The following JMJD1C variants were observed in gnomAD, a reference collection of about 807,000 sequenced individuals.
JMJD1C encodes the protein jumonji domain containing 1C.
Under a neutral mutation model 245.3 loss-of-function variants are expected in JMJD1C, and 31 were observed. That is an observed-to-expected ratio of 0.13 (90% CI 0.09 to 0.17). JMJD1C has a LOEUF of 0.17. JMJD1C is among the 10% of genes least tolerant of loss of function. The pLI is 1.00. For synonymous variants in JMJD1C, 1,057 were observed against 1,017.4 expected (o/e 1.04, Z -0.74); for missense variants, 2,691 against 3,000.2 (o/e 0.90, Z 2.41).
Position 63,167,769 on chromosome 10 carries a change from C to G in JMJD1C, c.*276G>C, listed in dbSNP as rs1017766115. On this transcript the variant is annotated 3_prime_UTR_variant, in exon 26 of 26. Transcript: ENST00000399262. ...TATTTTTTACCAAAAATAAATACATCATTTTAAATCTGGCATTTTCACAAA... is the reference window on the plus strand; with the variant it reads ...TATTTTTTACCAAAAATAAATACATGATTTTAAATCTGGCATTTTCACAAA... 2 of 272,312 alleles carry G rather than the reference C, an allele frequency of 7.3e-6. No individual in the cohort carries two copies. Among genetic ancestry groups the G allele is most frequent in the Admixed American group, 4.9e-5 (1 of 20,506 alleles). 16.9% of individuals were successfully genotyped at this position (272,312 alleles called of 1,614,324 possible). A position where few individuals can be genotyped will look rare whatever the true frequency, so the allele number is the denominator to read the frequency against.
intron 2 of JMJD1C, among the ~76,000 whole-genome samples, chr10:63,348,992 T>C (rs931364314): frequency 2.0e-5 from 3 of 146,738 alleles, no homozygotes; most frequent in Admixed American, 7.0e-5. Context: ...TCCTAGCTAC[T>C]TGGGAGGCAG....
chr10:63,450,006 G>C (rs779711199), intron 1 of JMJD1C, among the ~76,000 whole-genome samples: 1 of 152,108 alleles, frequency 6.6e-6, no homozygotes, highest in Non-Finnish European at 1.5e-5. Flanking sequence ...CCAGTAACTT[G>C]GGAGGCTGAG....
intron 1 of JMJD1C, among the ~76,000 whole-genome samples, chr10:63,403,182 C>T (rs918314256): frequency 1.1e-4 from 16 of 152,154 alleles, no homozygotes; most frequent in Admixed American, 9.8e-4. Flanking sequence ...CCAAGGGATG[C>T]CCAAAGCTAG....
intron 13 of JMJD1C, among the ~76,000 whole-genome samples, chr10:63,195,127 G>A (rs532744272): frequency 6.6e-6 from 1 of 152,258 alleles, no homozygotes; most frequent in South Asian, 2.1e-4. Context: ...GGCCAAGGCA[G>A]CGGATCACTT....
At chr10:63,261,296 A>T (rs949795859) in intron 3 of JMJD1C, among the ~76,000 whole-genome samples, 16 of 152,136 alleles carry the variant, frequency 1.1e-4, no homozygotes, top group Admixed American at 7.2e-4. Context: ...AAATCTGACC[A>T]GTGCCGGGCG....
At chr10:63,491,767 C>A (rs1296954526) in intron 1 of JMJD1C, among the ~76,000 whole-genome samples, 1 of 152,202 alleles carries the variant, frequency 6.6e-6, no homozygotes, top group Non-Finnish European at 1.5e-5. Context: ...AGGGAAAAAG[C>A]AGGTTTGGGC....
At position 63,209,131 on chromosome 10, in the gene JMJD1C, A is replaced by C. The variant is rs779543350; in HGVS notation, c.2799T>G (p.His933Gln). ...IPVRPSSAEP[H>Q]RPLKITAHSS... ...AATGGGCTGTAATTTTAAGAGGCCG[A>C]TGAGGCTCTGCACTGGAAGGTCTGA... The change falls in exon 9 of 26, where the codon CAT (histidine) becomes CAG (glutamine). Residue 933 changes from histidine (H) to glutamine (Q), a missense_variant. His to Gln is a conservative substitution (Grantham distance 24, BLOSUM62 0). Around this residue, in one of 9 missense-constraint regions of JMJD1C, gnomAD observed 1,562 missense variants for 1,490.7 expected, o/e 1.05. Coordinates refer to ENST00000399262, the MANE Select transcript of JMJD1C (RefSeq NM_032776.3). 13 of 1,613,902 alleles carry C rather than the reference A, an allele frequency of 8.1e-6. No homozygotes were observed. The Admixed American group carries it at 2.0e-4, about 25-fold the overall frequency.
chr10:63,191,817 T>C (rs1844841224), intron 16 of JMJD1C, among the ~76,000 whole-genome samples: 1 of 151,062 alleles, frequency 6.6e-6, no homozygotes, highest in South Asian at 2.1e-4. Flanking sequence ...AAACCCTGTC[T>C]CTACTAAAAA....
chr10:63,283,928 C>A (rs1857682834), intron 2 of JMJD1C, among the ~76,000 whole-genome samples: 1 of 151,938 alleles, frequency 6.6e-6, no homozygotes, highest in Admixed American at 6.6e-5. Flanking sequence ...CATAGAGAAG[C>A]AATTGTTCAT....
intron 2 of JMJD1C, among the ~76,000 whole-genome samples, chr10:63,355,392 G>C (rs9415692): frequency 1.3e-5 from 2 of 151,990 alleles, no homozygotes; most frequent in Non-Finnish European, 2.9e-5. Flanking sequence ...ATATGTGTGC[G>C]CATGGCTGTG....
At chr10:63,378,360 G>C (rs745837306) in intron 2 of JMJD1C, among the ~76,000 whole-genome samples, 41 of 152,128 alleles carry the variant, frequency 2.7e-4, no homozygotes, top group Admixed American at 2.7e-3. Flanking sequence ...GGAGGGCCGA[G>C]GCGGGTGGAT....
chr10:63,223,559 C>T (rs937957215), intron 3 of JMJD1C, among the ~76,000 whole-genome samples: 2 of 152,078 alleles, frequency 1.3e-5, no homozygotes, highest in East Asian at 1.9e-4. Flanking sequence ...TTGCCAACAC[C>T]GTGCAGACAA....
chr10:63,447,946 A>G (rs1015398763), intron 1 of JMJD1C, among the ~76,000 whole-genome samples: 4 of 151,482 alleles, frequency 2.6e-5, no homozygotes, highest in African/African-American at 9.8e-5. Context: ...CTCCAAAAAT[A>G]AAAATAAAAA....
chr10:63,426,647 G>A (rs1287251750), intron 1 of JMJD1C, among the ~76,000 whole-genome samples: 2 of 151,996 alleles, frequency 1.3e-5, no homozygotes, highest in Non-Finnish European at 2.9e-5. Context: ...CTCCAGCCTG[G>A]GAGACTCCGT....
At chr10:63,395,739 GATAAT>G (rs1233451195) in intron 1 of JMJD1C, among the ~76,000 whole-genome samples, 2 of 152,112 alleles carry the variant, frequency 1.3e-5, no homozygotes, top group Admixed American at 6.5e-5. Flanking sequence ...AACTGTAGCA[GATAAT>G]ATAATGAAAT....
intron 2 of JMJD1C, among the ~76,000 whole-genome samples, chr10:63,313,194 C>T (rs539872961): frequency 4.6e-5 from 7 of 152,292 alleles, no homozygotes; most frequent in African/African-American, 1.7e-4. Flanking sequence ...AGAGAACATA[C>T]GATGTTTGGT....
chr10:63,420,116 A>G (rs1280362476), intron 1 of JMJD1C, among the ~76,000 whole-genome samples: 1 of 151,360 alleles, frequency 6.6e-6, no homozygotes, highest in Non-Finnish European at 1.5e-5. Context: ...AGCCTGGGCA[A>G]CAGAGGAGAC....
intron 1 of JMJD1C, among the ~76,000 whole-genome samples, chr10:63,441,308 A>G (rs1406328474): frequency 6.6e-6 from 1 of 152,164 alleles, no homozygotes; most frequent in Non-Finnish European, 1.5e-5. Context: ...TGGACTCTGG[A>G]GTCATAGGAC....
At chr10:63,405,741 A>G (rs527927516) in intron 1 of JMJD1C, among the ~76,000 whole-genome samples, 1 of 152,316 alleles carries the variant, frequency 6.6e-6, no homozygotes, top group African/African-American at 2.4e-5. Context: ...TGCAGCAGAC[A>G]TTTCCTGTGA....
Sources: allele counts gnomAD v4.1 joint callset (sites outside exome capture counted in the v4.1 genomes callset), GRCh38; gene constraint gnomAD v4.1.1; regional missense constraint gnomAD v4.1.1; transcripts MANE v1.5; gene names NCBI Gene and HGNC (gene_info 2026-07-23, HGNC 2026-07-21).